CHD5: variants seen among roughly 807,000 people sequenced by gnomAD.
CHD5 encodes the protein chromodomain helicase DNA binding protein 5.
In CHD5, 69 loss-of-function variants were observed where a neutral mutation model predicts 230.3. The ratio of observed to expected loss-of-function variants is 0.30; its 90% CI spans 0.25 to 0.37. The LOEUF (loss-of-function observed/expected upper bound fraction) is 0.37. Ranked by LOEUF, CHD5 falls within the 10% of genes least tolerant of loss-of-function variation. The pLI, the probability that CHD5 is intolerant of heterozygous loss-of-function variation, is 1.00. For missense variants in CHD5, 1,827 were observed against 2,622.8 expected (o/e 0.70, Z 6.63); for synonymous variants, 1,064 against 1,065.9 (o/e 1.00, Z 0.03).
intron 13 of CHD5, among the ~76,000 whole-genome samples, chr1:6,143,593 G>A (rs1666863635): frequency 1.3e-5 from 2 of 152,208 alleles, no homozygotes; most frequent in Admixed American, 1.3e-4. Context: ...TGCTGAGTGA[G>A]TCATCCTGGG....
At chr1:6,161,900 T>C (rs924534609) in intron 2 of CHD5, among the ~76,000 whole-genome samples, 2 of 152,144 alleles carry the variant, frequency 1.3e-5, no homozygotes, top group Non-Finnish European at 2.9e-5. Flanking sequence ...CCCACAAACC[T>C]ACCGAGGATG....
intron 1 of CHD5, among the ~76,000 whole-genome samples, chr1:6,172,280 A>T (rs986703960): frequency 1.3e-5 from 2 of 152,252 alleles, no homozygotes; most frequent in Non-Finnish European, 2.9e-5. Flanking sequence ...AATTTGTATC[A>T]GTTCAACACA....
intron 1 of CHD5, among the ~76,000 whole-genome samples, chr1:6,176,450 A>G (rs1667427946): frequency 6.6e-6 from 1 of 152,198 alleles, no homozygotes; most frequent in African/African-American, 2.4e-5. Context: ...CCAGCCCAGC[A>G]GTGGCCCTAA....
Position 6,129,657 on chromosome 1 carries a change from A to G in CHD5, c.3387+547T>C, listed in dbSNP as rs923134981. Among the ~76,000 whole-genome samples the G allele has an allele frequency of 3.9e-5, 6 of 152,086 alleles. No homozygotes were observed. The highest frequency in any genetic ancestry group is 2.9e-5 in the Non-Finnish European group (2 of 68,008). On this transcript the variant is annotated intron_variant, in intron 22 of 41. Coordinates refer to ENST00000262450, the MANE Select transcript of CHD5 (RefSeq NM_015557.3). The surrounding 1 kb of genome is among the most constrained non-coding windows in gnomAD (Gnocchi z 6.8). The stretch of plus-strand genomic sequence containing the variant: ...TTTGTATGTGTTCCCCTACATTTGT[A>G]AGCATTCAATGTGTGTGTCCCAGCG...
intron 17 of CHD5, among the ~76,000 whole-genome samples, chr1:6,136,186 T>C (rs12026979): frequency 0.43 from 64,620 of 151,818 alleles, 14,542 homozygotes; most frequent in East Asian, 0.81. Context: ...CACGGTTGCC[T>C]ATGTGAGTCA....
chr1:6,165,010 G>C (rs751819852), intron 2 of CHD5, among the ~76,000 whole-genome samples: 4 of 152,160 alleles, frequency 2.6e-5, no homozygotes, highest in African/African-American at 4.8e-5. Flanking sequence ...GACCCAGAGA[G>C]AGACAGACAG....
intron 9 of CHD5, 65 bp downstream of exon 9, chr1:6,148,789 C>T (rs1270923651): frequency 2.3e-6 from 3 of 1,303,812 alleles, no homozygotes; most frequent in Non-Finnish European, 2.0e-6. Context: ...AGGCCTTCCC[C>T]TGGGGGCGGG....
Position 6,154,928 on chromosome 1 carries a change from C to T in CHD5, c.507-30G>A. The stretch of plus-strand genomic sequence containing the variant: ...AGGGGGAGAGGCAGGAGGGTGAGGG[C>T]AAGGCCAGGTGAGATGAGAGGCCCA... On this transcript the variant is annotated intron_variant, in intron 4 of 41. Coordinates refer to ENST00000262450, the MANE Select transcript of CHD5 (RefSeq NM_015557.3). The surrounding 1 kb of genome is among the most constrained non-coding windows in gnomAD (Gnocchi z 7.0). 6.2e-7 allele frequency: 1 copy of T among 1,600,264 alleles called. No individual in the cohort carries two copies. The highest frequency in any genetic ancestry group is 2.2e-5 in the East Asian group (1 of 44,734).
At chr1:6,178,789 T>C (rs889442442) in intron 1 of CHD5, among the ~76,000 whole-genome samples, 2 of 151,806 alleles carry the variant, frequency 1.3e-5, no homozygotes, top group Non-Finnish European at 2.9e-5. Context: ...GGCCACCTGG[T>C]GGGAATACCC....
At chr1:6,168,590 G>A (rs927617927) in intron 1 of CHD5, among the ~76,000 whole-genome samples, 5 of 152,202 alleles carry the variant, frequency 3.3e-5, no homozygotes, top group African/African-American at 1.2e-4. Flanking sequence ...GAATTGCCTT[G>A]TTGCCATCAC....
At chr1:6,157,523 T>C (rs957990372) in intron 3 of CHD5, among the ~76,000 whole-genome samples, 1 of 152,220 alleles carries the variant, frequency 6.6e-6, no homozygotes, top group Non-Finnish European at 1.5e-5. Flanking sequence ...CTCTACTGCC[T>C]AGGCCCCGGA....
chr1:6,162,872 C>T (rs1667199505), intron 2 of CHD5, among the ~76,000 whole-genome samples: 1 of 152,178 alleles, frequency 6.6e-6, no homozygotes, highest in South Asian at 2.1e-4. Context: ...GCTGTGGCAA[C>T]ATCTACGGGG....
chr1:6,159,095 C>T lies in CHD5; in HGVS notation c.387+241G>A, dbSNP rs183463067. Among the ~76,000 whole-genome samples, 9 of 151,348 alleles carry T rather than the reference C, an allele frequency of 5.9e-5. No individual in the cohort carries two copies. In the East Asian group the frequency reaches 9.7e-4, roughly 16 times the overall value. Reference sequence around the variant, plus strand: ...ACTAAAAATACAAAAATTAGCCAGGCGTGGTGGCACGCACCTGTAGTCCCA... The same window carrying T: ...ACTAAAAATACAAAAATTAGCCAGGTGTGGTGGCACGCACCTGTAGTCCCA... On this transcript the variant is annotated intron_variant, in intron 3 of 41. Coordinates refer to ENST00000262450, the MANE Select transcript of CHD5 (RefSeq NM_015557.3).
At chr1:6,153,129 C>T (rs2100867279) in intron 5 of CHD5, among the ~76,000 whole-genome samples, 1 of 152,322 alleles carries the variant, frequency 6.6e-6, no homozygotes, top group East Asian at 1.9e-4. Context: ...GGATGCACAC[C>T]CCACAGAGGC....
At chr1:6,119,980 T>C (rs1005716808) in intron 33 of CHD5, among the ~76,000 whole-genome samples, 6 of 151,640 alleles carry the variant, frequency 4.0e-5, no homozygotes, top group Non-Finnish European at 8.8e-5. Flanking sequence ...CCTGCCTCAG[T>C]CTCCTGAGTA....
rs1187484434 is a variant in CHD5, at chr1:6,149,317, C to T, written c.1090G>A (p.Ala364Thr). ...EIILCDTCPR[A>T]YHLVCLDPEL... ...GGGTCCAGGCATACGAGATGGTAGG[C>T]CCTCGGGCAGGTGTCGCACAGGATG... The change falls in exon 8 of 42, where the codon GCC becomes ACC. Residue 364 changes from alanine (A) to threonine (T), a missense_variant. This residue lies in a region of CHD5 where 657 missense variants were observed against 816.4 expected (regional missense o/e 0.80). Coordinates refer to ENST00000262450, the MANE Select transcript of CHD5 (RefSeq NM_015557.3). 5.0e-6 allele frequency: 8 copies of T among 1,612,884 alleles called. No individual in the cohort carries two copies. Among genetic ancestry groups the T allele is most frequent in the Non-Finnish European group, 6.8e-6 (8 of 1,179,706 alleles).
In CHD5 at chr1:6,149,306, G is replaced by A. The variant is rs1203068232; in HGVS notation, c.1101C>T (p.Leu367=). Residue 367 remains leucine, a synonymous_variant, in exon 8 of 42, where the codon CTC becomes CTT. Coordinates refer to ENST00000262450, the MANE Select transcript of CHD5 (RefSeq NM_015557.3). ...TCTCCAGCTCTGGGTCCAGGCATACGAGATGGTAGGCCCTCGGGCAGGTGT... is the reference window on the plus strand; with the variant it reads ...TCTCCAGCTCTGGGTCCAGGCATACAAGATGGTAGGCCCTCGGGCAGGTGT... The part of the protein sequence containing the change: ...LCDTCPRAYH[L]VCLDPELEKA... The A allele has an allele frequency of 9.9e-6, 16 of 1,612,484 alleles. No individual in the cohort carries two copies. The highest frequency in any genetic ancestry group is 2.7e-5 in the African/African-American group (2 of 74,528).
intron 6 of CHD5, among the ~76,000 whole-genome samples, 191 bp downstream of exon 6, chr1:6,152,218 ACTC>A (rs958190451): frequency 3.3e-5 from 5 of 151,998 alleles, no homozygotes; most frequent in African/African-American, 7.2e-5. Context: ...TTCAATCTAA[ACTC>A]CTCATCACAC....
Position 6,125,020 on chromosome 1 carries a change from C to G in CHD5, c.4394+80G>C, listed in dbSNP as rs551991867. 3.2e-4 allele frequency: 443 copies of G among 1,376,274 alleles called. 1 individual carries two copies. The African/African-American group carries it at 6.0e-3, about 19-fold the overall frequency. 85.3% of individuals were successfully genotyped at this position (1,376,274 alleles called of 1,614,324 possible). On this transcript the variant is annotated intron_variant, in intron 29 of 41. Coordinates refer to ENST00000262450, the MANE Select transcript of CHD5 (RefSeq NM_015557.3). This position sits in a 1 kb window ranked among gnomAD's most constrained non-coding sequence, Gnocchi z 6.7. ...CATCCTGGCGGAAGCAAATGCTGCC[C>G]TCTGTGGGGCTCACCCGCAGGACCC...
Sources: gnomAD v4.1 joint callset for allele counts (sites outside exome capture counted in the v4.1 genomes callset) on GRCh38, gnomAD v4.1.1 for gene constraint, gnomAD v4.1.1 regional missense constraint, Gnocchi (gnomAD v3.1) non-coding constraint, MANE v1.5 for transcripts, NCBI Gene and HGNC (gene_info 2026-07-23, HGNC 2026-07-21) for gene names.